The following HPSE2 variants were observed in gnomAD, a reference collection of about 807,000 sequenced individuals.
HPSE2 encodes heparanase 2 (inactive), also known as inactive heparanase-2.
HPSE2 carries 38 observed loss-of-function variants against 60.5 expected under a neutral mutation model. The observed-to-expected ratio is 0.63, with a 90% CI of 0.48 to 0.82. The LOEUF is 0.82. Ranked by LOEUF, HPSE2 falls within the 40% of genes least tolerant of loss-of-function variation. The pLI, the probability that HPSE2 is intolerant of heterozygous loss-of-function variation, is 0.00. For synonymous variants in HPSE2, 295 were observed against 293.2 expected (o/e 1.01, Z -0.06); for missense variants, 713 against 740.4 (o/e 0.96, Z 0.43).
At chr10:99,158,904 A>C (rs1312454816) in intron 2 of HPSE2, among the ~76,000 whole-genome samples, 3 of 152,182 alleles carry the variant, frequency 2.0e-5, no homozygotes, top group Non-Finnish European at 4.4e-5. Flanking sequence ...ACATAAATTC[A>C]ATCATATTAA....
intron 3 of HPSE2, among the ~76,000 whole-genome samples, chr10:98,756,536 G>A (rs2095599): frequency 0.71 from 107,668 of 151,884 alleles, 39,189 homozygotes; most frequent in Non-Finnish European, 0.81. Flanking sequence ...CTCAGAGACT[G>A]TTATGAACAC....
rs1186353622 is a variant in HPSE2, at chr10:99,184,837, G to T, written c.449-40438C>A. Among the ~76,000 whole-genome samples the T allele has an allele frequency of 3.9e-3, 248 of 63,642 alleles. 13 individuals carry two copies. The highest frequency in any genetic ancestry group is 9.2e-3 in the Non-Finnish European group (207 of 22,456). 41.8% of individuals were successfully genotyped at this position (63,642 alleles called of 152,430 possible). A position where few individuals can be genotyped will look rare whatever the true frequency, so the allele number is the denominator to read the frequency against. On this transcript the variant is annotated intron_variant, in intron 2 of 11. Coordinates refer to ENST00000370552, the MANE Select transcript of HPSE2 (RefSeq NM_021828.5). Reference sequence around the variant, plus strand: ...ATATATATAGAGAGAGAGAGAGAGAGAGAGAGAGAGAGAGAGAGAGAGAGA... The same window carrying T: ...ATATATATAGAGAGAGAGAGAGAGATAGAGAGAGAGAGAGAGAGAGAGAGA...
chr10:99,232,351 C>A lies in HPSE2; in HGVS notation c.445G>T (p.Asp149Tyr). Residue 149 changes from aspartate (D) to tyrosine (Y), a missense_variant, in exon 2 of 12, where the codon GAT becomes TAT. Physicochemically the swap from Asp to Tyr is radical, Grantham distance 160 (BLOSUM62 -3). Transcript: ENST00000370552. ...GAATGGTAATCAAGTTTCTCACCAT[C>A]CTCATAGTTTTTGAGATAGTAATCC... is the stretch of plus-strand genomic sequence containing the variant. ...GPDYYLKNYE[D>Y]DIVRSDVALD... 6.4e-7 allele frequency: 1 copy of A among 1,551,624 alleles called. No homozygotes were observed. Among genetic ancestry groups the A allele is most frequent in the Non-Finnish European group, 8.7e-7 (1 of 1,146,986 alleles).
At chr10:98,574,867 T>C (rs1231614095) in intron 9 of HPSE2, among the ~76,000 whole-genome samples, 1 of 152,206 alleles carries the variant, frequency 6.6e-6, no homozygotes, top group Non-Finnish European at 1.5e-5. Context: ...TATCTGTACA[T>C]ACATACTGAG....
chr10:99,006,150 G>C (rs1396397766), intron 3 of HPSE2, among the ~76,000 whole-genome samples: 1 of 152,158 alleles, frequency 6.6e-6, no homozygotes, highest in Non-Finnish European at 1.5e-5. Flanking sequence ...GCAGGGGTCA[G>C]CCAGGTGCTG....
intron 3 of HPSE2, among the ~76,000 whole-genome samples, chr10:98,850,515 T>A (rs566559187): frequency 6.6e-6 from 1 of 152,114 alleles, no homozygotes; most frequent in Non-Finnish European, 1.5e-5. Flanking sequence ...AGCGGGCAGA[T>A]CACGAGGTTA....
intron 9 of HPSE2, among the ~76,000 whole-genome samples, chr10:98,603,418 G>A (rs666387): frequency 0.11 from 16,391 of 146,292 alleles, 1,555 homozygotes; most frequent in African/African-American, 0.27. Context: ...TTTGAAATAC[G>A]CCAGAGCACT....
chr10:98,674,768 A>C (rs477147), intron 6 of HPSE2, among the ~76,000 whole-genome samples: 135,209 of 151,978 alleles, frequency 0.89, 61,238 homozygotes, highest in Non-Finnish European at 0.99. Flanking sequence ...CACACACACA[A>C]AAAAATAGCC....
chr10:98,841,027 G>A (rs528647603), intron 3 of HPSE2, among the ~76,000 whole-genome samples: 2 of 152,262 alleles, frequency 1.3e-5, no homozygotes, highest in East Asian at 1.9e-4. Flanking sequence ...GGAGGCCAAG[G>A]GGGGCGAATC....
intron 6 of HPSE2, among the ~76,000 whole-genome samples, chr10:98,678,680 G>A (rs1565072699): frequency 6.6e-6 from 1 of 151,794 alleles, no homozygotes; most frequent in Non-Finnish European, 1.5e-5. Flanking sequence ...CTCTGGTGGA[G>A]GTTCTTAAAA....
intron 3 of HPSE2, among the ~76,000 whole-genome samples, chr10:98,988,511 CT>C (rs1321615363): frequency 3.3e-5 from 5 of 151,690 alleles, no homozygotes; most frequent in African/African-American, 1.2e-4. Flanking sequence ...GGATTAAAGA[CT>C]TAAACATTAG....
At chr10:98,916,008 G>A (rs1428205626) in intron 3 of HPSE2, among the ~76,000 whole-genome samples, 1 of 152,064 alleles carries the variant, frequency 6.6e-6, no homozygotes, top group Non-Finnish European at 1.5e-5. Context: ...CAATTTAGTT[G>A]CCCTGTTCTA....
At chr10:98,490,966 A>ACAT (rs1941623456) in intron 9 of HPSE2, among the ~76,000 whole-genome samples, 1 of 152,192 alleles carries the variant, frequency 6.6e-6, no homozygotes, top group Admixed American at 6.5e-5. Flanking sequence ...TTTGCATCTG[A>ACAT]CATAAATATA....
At chr10:98,515,433 A>G (rs1942571015) in intron 9 of HPSE2, among the ~76,000 whole-genome samples, 1 of 152,228 alleles carries the variant, frequency 6.6e-6, no homozygotes, top group South Asian at 2.1e-4. Flanking sequence ...TAATGAGTAA[A>G]CAAATTGTAG....
chr10:99,160,830 C>T lies in HPSE2; in HGVS notation c.449-16431G>A, dbSNP rs1041085593. On this transcript the variant is annotated intron_variant, in intron 2 of 11. Transcript: ENST00000370552. ...AGGAGAATGGTGTGAACCCGGGAGG[C>T]GGAGCTTGCAGTGAGCCGAGATCCC... Among the ~76,000 whole-genome samples the T allele has an allele frequency of 7.5e-4, 98 of 130,360 alleles. 2 individuals carry two copies. The highest frequency in any genetic ancestry group is 2.7e-3 in the African/African-American group (94 of 35,368). 85.5% of individuals were successfully genotyped at this position (130,360 alleles called of 152,430 possible). A position where few individuals can be genotyped will look rare whatever the true frequency, so the allele number is the denominator to read the frequency against.
intron 9 of HPSE2, among the ~76,000 whole-genome samples, chr10:98,559,451 G>GT (rs1183843540): frequency 6.6e-6 from 1 of 152,046 alleles, no homozygotes; most frequent in Non-Finnish European, 1.5e-5. Flanking sequence ...CACTGTGGTT[G>GT]TACCTCAGCA....
the HPSE2 span, among the ~76,000 whole-genome samples, chr10:99,251,476 C>T: frequency 2.6e-5 from 1 of 38,372 alleles, no homozygotes; most frequent in Non-Finnish European, 1.0e-4. Flanking sequence ...AGGAGGGACT[C>T]CTCCCTAATT....
At chr10:98,606,361 T>TA (rs996657166) in intron 9 of HPSE2, among the ~76,000 whole-genome samples, 2 of 152,318 alleles carry the variant, frequency 1.3e-5, no homozygotes, top group South Asian at 2.1e-4. Context: ...ACTTGGACTT[T>TA]AAAAAAATAT....
At chr10:98,844,866 C>A (rs1951999253) in intron 3 of HPSE2, among the ~76,000 whole-genome samples, 2 of 152,120 alleles carry the variant, frequency 1.3e-5, no homozygotes, top group East Asian at 3.9e-4. Flanking sequence ...ATTGAGAACA[C>A]CAAAATTCTA....
Sources: allele counts gnomAD v4.1 joint callset (sites outside exome capture counted in the v4.1 genomes callset), GRCh38; gene constraint gnomAD v4.1.1; transcripts MANE v1.5; gene names NCBI Gene and HGNC (gene_info 2026-07-23, HGNC 2026-07-21).